The following PUDP variants were observed in gnomAD, a reference collection of about 807,000 sequenced individuals.
PUDP encodes pseudouridine 5'-phosphatase.
In PUDP, 8 loss-of-function variants were observed where a neutral mutation model predicts 9.4. The observed-to-expected ratio is 0.85, with a 90% CI of 0.50 to 1.53. The LOEUF is 1.53. PUDP is among the 40% of genes most tolerant of loss of function. The probability of loss-of-function intolerance (pLI) is 0.00; values close to 1 mark genes in which losing one functional copy is unlikely to be tolerated. For missense variants in PUDP, 188 were observed against 189.7 expected, an observed-to-expected ratio of 0.99 and a Z score of 0.05; for synonymous variants, 99 against 80.7, an observed-to-expected ratio of 1.23 and a Z score of -1.22.
At chrX:7,036,354 T>A (rs775394861) in intron 1 of PUDP, among the ~76,000 whole-genome samples, 1 of 112,212 alleles carries the variant, frequency 8.9e-6, no homozygotes, top group Non-Finnish European at 1.9e-5. Context: ...AATTATTCAA[T>A]ATAAACACAG....
intron 3 of PUDP, among the ~76,000 whole-genome samples, chrX:6,784,547 C>T (rs1424623070): frequency 1.8e-5 from 2 of 111,534 alleles, no homozygotes; most frequent in Non-Finnish European, 3.8e-5. Flanking sequence ...GCAATCTTTA[C>T]CCAAGGTGCA....
chrX:6,874,202 T>C (rs971347702), intron 3 of PUDP, among the ~76,000 whole-genome samples: 1 of 111,243 alleles, frequency 9.0e-6, no homozygotes, highest in Non-Finnish European at 1.9e-5. Context: ...TGACTGTACA[T>C]TCTACCTTTT....
chrX:7,069,873 A>G (rs1930676003), intron 3 of PUDP, among the ~76,000 whole-genome samples: 1 of 111,850 alleles, frequency 8.9e-6, no homozygotes, highest in Non-Finnish European at 1.9e-5. Flanking sequence ...TAGTCTCCTA[A>G]CGGCCCACTT....
intron 3 of PUDP, among the ~76,000 whole-genome samples, chrX:6,899,384 C>T (rs1927639046): frequency 8.9e-6 from 1 of 112,048 alleles, no homozygotes; most frequent in South Asian, 3.7e-4. Context: ...AGTTAGAGAC[C>T]AGCCTGGGCA....
At chrX:6,911,672 CTTT>C (rs764506807) in intron 3 of PUDP, among the ~76,000 whole-genome samples, 3,504 of 111,756 alleles carry the variant, frequency 0.031, 62 homozygotes, top group Non-Finnish European at 0.052. Flanking sequence ...TTTGAATTGC[CTTT>C]TTAATTTTTT....
chrX:6,750,666 T>A (rs942709318), intron 3 of PUDP, among the ~76,000 whole-genome samples: 1 of 111,418 alleles, frequency 9.0e-6, no homozygotes, highest in African/African-American at 3.3e-5. Context: ...AAAGACCTCA[T>A]TTAAGAGCTT....
intron 3 of PUDP, among the ~76,000 whole-genome samples, chrX:6,747,159 C>CT (rs1388272580): frequency 8.9e-6 from 1 of 111,922 alleles, no homozygotes; most frequent in African/African-American, 3.2e-5. Context: ...TCAATACATA[C>CT]TTTTGTAAAG....
At chrX:6,813,565 G>A (rs1382536400) in intron 3 of PUDP, among the ~76,000 whole-genome samples, 3 of 111,643 alleles carry the variant, frequency 2.7e-5, no homozygotes, top group East Asian at 5.6e-4. Context: ...TCCCCCCGTA[G>A]GGCGTAGCAA....
chrX:6,993,692 A>G (rs1929215505), intron 1 of PUDP, among the ~76,000 whole-genome samples: 1 of 112,539 alleles, frequency 8.9e-6, no homozygotes, highest in South Asian at 3.7e-4. Flanking sequence ...TGTTAACTGT[A>G]CTAATATTGT....
upstream of PUDP, among the ~76,000 whole-genome samples, chrX:6,726,199 C>T (rs1393223266): frequency 1.8e-5 from 2 of 111,298 alleles, no homozygotes; most frequent in Non-Finnish European, 3.8e-5. Context: ...ATGGGCATGG[C>T]CGTGTGTCCC....
intron 1 of PUDP, among the ~76,000 whole-genome samples, chrX:7,035,767 C>A (rs1400746643): frequency 8.9e-6 from 1 of 111,852 alleles, no homozygotes; most frequent in African/African-American, 3.2e-5. Context: ...GGCACATTTT[C>A]TTTCCCTGAG....
At chrX:7,089,835 CT>C (rs1931371254) in intron 2 of PUDP, among the ~76,000 whole-genome samples, 1 of 111,643 alleles carries the variant, frequency 9.0e-6, no homozygotes, top group African/African-American at 3.3e-5. Flanking sequence ...TTATTGGCCC[CT>C]GATAGCAAAC....
Position 6,752,160 on chromosome X carries a change from T to G in PUDP, c.*248-45694A>C, listed in dbSNP as rs186710732. On this transcript the variant is annotated intron_variant and NMD_transcript_variant, in intron 3 of 3. Coordinates refer to the PUDP transcript ENST00000655425. ...GGAAGCATTTAAACCCCATATCACT[T>G]CAAATTCTCTCTCCTTTGGCCTCTG... Among the ~76,000 whole-genome samples the G allele has an allele frequency of 6.9e-3, 769 of 111,737 alleles. 7 individuals are homozygous for G. Among genetic ancestry groups the G allele is most frequent in the African/African-American group, 0.022 (681 of 30,758 alleles).
At chrX:6,907,030 A>G (rs745675731) in intron 3 of PUDP, among the ~76,000 whole-genome samples, 3 of 111,068 alleles carry the variant, frequency 2.7e-5, no homozygotes, top group Non-Finnish European at 3.8e-5. Context: ...TCTACTTGAT[A>G]TGGTTTGGCT....
At chrX:6,710,047 C>G (rs767321943) in intron 1 of PUDP, among the ~76,000 whole-genome samples, 1 of 111,827 alleles carries the variant, frequency 8.9e-6, no homozygotes, top group Non-Finnish European at 1.9e-5. Flanking sequence ...CACTTGAACC[C>G]GGGAGGTGGA....
intron 1 of PUDP, among the ~76,000 whole-genome samples, chrX:7,003,095 T>C (rs1929350225): frequency 8.9e-6 from 1 of 112,175 alleles, no homozygotes; most frequent in African/African-American, 3.2e-5. Context: ...TTCCAATTCC[T>C]GAGACGAAAC....
intron 3 of PUDP, among the ~76,000 whole-genome samples, chrX:7,059,120 T>C (rs1488493784): frequency 8.9e-6 from 1 of 112,009 alleles, no homozygotes; most frequent in African/African-American, 3.2e-5. Context: ...GAGAACAGCC[T>C]TTGAAAAAGT....
chrX:6,748,604 G>GA (rs1175947848), intron 3 of PUDP, among the ~76,000 whole-genome samples: 1 of 111,300 alleles, frequency 9.0e-6, no homozygotes, highest in Admixed American at 9.6e-5. Context: ...AAAAAATTAA[G>GA]ACAATCCCTT....
chrX:6,933,468 AC>A (rs1294758388), intron 3 of PUDP, among the ~76,000 whole-genome samples: 2 of 110,613 alleles, frequency 1.8e-5, no homozygotes, highest in Non-Finnish European at 3.8e-5. Context: ...GGACATCCAC[AC>A]CAAAAACCCA....
Sources: allele counts gnomAD v4.1 joint callset (sites outside exome capture counted in the v4.1 genomes callset), GRCh38; gene constraint gnomAD v4.1.1; transcripts MANE v1.5; gene names NCBI Gene and HGNC (gene_info 2026-07-23, HGNC 2026-07-21).